HHLA1: variants seen among roughly 807,000 people sequenced by gnomAD.
HHLA1 encodes HHLA1 neighbor of OC90.
HHLA1 carries 72 observed loss-of-function variants against 69.9 expected under a neutral mutation model. The observed-to-expected ratio is 1.03, with a 90% CI of 0.85 to 1.25. HHLA1 has a LOEUF of 1.25. HHLA1 is among the 50% of genes most tolerant of loss of function. HHLA1 has a pLI of 0.00. For missense variants in HHLA1, 685 were observed against 642.2 expected (o/e 1.07, Z -0.72); for synonymous variants, 252 against 233.2 (o/e 1.08, Z -0.73).
intron 5 of HHLA1, among the ~76,000 whole-genome samples, chr8:132,098,584 C>A (rs1824059134): frequency 2.0e-5 from 3 of 152,136 alleles, no homozygotes; most frequent in Admixed American, 1.3e-4. Context: ...ACCTCAGCCT[C>A]CCGAGTAGCT....
intron 14 of HHLA1, among the ~76,000 whole-genome samples, chr8:132,071,949 T>C (rs1823552770): frequency 1.3e-5 from 2 of 152,068 alleles, no homozygotes; most frequent in African/African-American, 2.4e-5. Context: ...TGTATATGTA[T>C]GTGCATGCAT....
At chr8:132,099,698 A>G (rs528965255) in intron 4 of HHLA1, among the ~76,000 whole-genome samples, 34 of 152,272 alleles carry the variant, frequency 2.2e-4, no homozygotes, top group African/African-American at 8.2e-4. Context: ...TACTAAAAAT[A>G]TAAAAATTAG....
chr8:132,073,709 C>A (rs569388323), intron 14 of HHLA1, among the ~76,000 whole-genome samples: 123 of 152,154 alleles, frequency 8.1e-4, no homozygotes, highest in Non-Finnish European at 1.4e-3. Context: ...TTGCCCCAAC[C>A]CACCCCATCC....
At chr8:132,101,934 C>T (rs1824117671) in intron 3 of HHLA1, among the ~76,000 whole-genome samples, 1 of 152,202 alleles carries the variant, frequency 6.6e-6, no homozygotes, top group South Asian at 2.1e-4. Context: ...TGTTGTACAG[C>T]AGCTCTTTAG....
intron 14 of HHLA1, 104 bp from the exon 15 acceptor site, chr8:132,071,597 C>T (rs753325559): frequency 9.6e-5 from 102 of 1,058,808 alleles, no homozygotes; most frequent in Middle Eastern, 8.5e-4. Context: ...CCTGATCTCA[C>T]GTAGCTCTGA....
chr8:132,081,423 G>T (rs908625467), intron 10 of HHLA1, among the ~76,000 whole-genome samples: 8 of 152,128 alleles, frequency 5.3e-5, no homozygotes, highest in South Asian at 2.1e-4. Flanking sequence ...GGCTGAGCTT[G>T]GTGAGGTGTG....
chr8:132,077,701 G>C, intron 12 of HHLA1, 25 bp downstream of exon 12: 1 of 1,548,632 alleles, frequency 6.5e-7, no homozygotes, highest in East Asian at 2.4e-5. Context: ...AAACGGGAGA[G>C]GTAGAAGTGA....
At chr8:132,090,136 C>CTGA (rs750151418) in intron 7 of HHLA1, among the ~76,000 whole-genome samples, 112 of 152,288 alleles carry the variant, frequency 7.4e-4, no homozygotes, top group Non-Finnish European at 1.2e-3. Flanking sequence ...TTTAAAGGAA[C>CTGA]TGATGGTGGT....
chr8:132,099,327 G>C (rs1325656966), intron 4 of HHLA1, among the ~76,000 whole-genome samples: 3 of 152,240 alleles, frequency 2.0e-5, no homozygotes, highest in Non-Finnish European at 2.9e-5. Flanking sequence ...TTGAAAATAA[G>C]TACCCCATGT....
intron 15 of HHLA1, among the ~76,000 whole-genome samples, chr8:132,067,173 T>C (rs1823455474): frequency 1.3e-5 from 2 of 152,054 alleles, no homozygotes; most frequent in African/African-American, 4.8e-5. Flanking sequence ...GGATTCCTTG[T>C]GGAAACTGGA....
At chr8:132,085,384 G>C (rs1303269422) in intron 10 of HHLA1, 3 of 358,546 alleles carry the variant, frequency 8.4e-6, no homozygotes, top group Non-Finnish European at 1.7e-5. Context: ...TTGGAGATGA[G>C]AGTAAAAAGA....
chr8:132,077,367 T>C (rs1329155551), intron 12 of HHLA1, among the ~76,000 whole-genome samples: 6 of 151,878 alleles, frequency 4.0e-5, no homozygotes, highest in African/African-American at 1.5e-4. Flanking sequence ...AGGGGCGAGG[T>C]GAGGCTGAGC....
chr8:132,069,533 C>T (rs1223822442), intron 15 of HHLA1: 1 of 152,170 alleles, frequency 6.6e-6, no homozygotes, highest in Non-Finnish European at 1.5e-5. Context: ...CCCAAGCAAA[C>T]AGGTGCTTCA....
chr8:132,079,815 T>C lies in HHLA1; in HGVS notation c.828A>G (p.Ser276=), dbSNP rs1323275349. The C allele has an allele frequency of 1.3e-6, 2 of 1,551,634 alleles. No homozygotes were observed. The highest frequency in any genetic ancestry group is 1.7e-6 in the Non-Finnish European group (2 of 1,147,012). ...CTGTGTTCAGGGTCTCCTCTGTTTC[T>C]GAAGGAGCAGCTGTCTCTGTCCAGG... ...SSPWTETAAP[S]ETEETLNTGR... Residue 276 remains serine (S), a synonymous_variant, in exon 11 of 17, where the codon TCA becomes TCG. Coordinates refer to ENST00000414222, the MANE Select transcript of HHLA1 (RefSeq NM_001145095.3).
At chr8:132,076,578 T>C (rs1359358508) in intron 12 of HHLA1, 35 bp from the exon 13 acceptor site, 1 of 1,407,500 alleles carries the variant, frequency 7.1e-7, no homozygotes, top group South Asian at 1.5e-5. Flanking sequence ...AGCCTGCATC[T>C]CTTCTAGGGG....
intron 16 of HHLA1, among the ~76,000 whole-genome samples, chr8:132,065,369 C>T (rs996831561): frequency 1.3e-5 from 2 of 152,176 alleles, no homozygotes; most frequent in African/African-American, 2.4e-5. Context: ...GCAAGCTCTG[C>T]CTCCTAGGTT....
chr8:132,086,975 T>G (rs566846066), intron 10 of HHLA1, among the ~76,000 whole-genome samples: 17 of 152,326 alleles, frequency 1.1e-4, no homozygotes, highest in African/African-American at 3.8e-4. Context: ...TACCTTAAAG[T>G]TCCTTTCATT....
intron 1 of HHLA1, among the ~76,000 whole-genome samples, chr8:132,107,208 A>G (rs2130902859): frequency 6.6e-6 from 1 of 152,292 alleles, no homozygotes; most frequent in Non-Finnish European, 1.5e-5. Context: ...CATTTATATA[A>G]TAGCTACAAA....
chr8:132,073,103 A>G (rs1399252306), intron 14 of HHLA1, among the ~76,000 whole-genome samples: 6 of 152,174 alleles, frequency 3.9e-5, no homozygotes, highest in Non-Finnish European at 7.3e-5. Context: ...GTCATGTTTG[A>G]ACATTTTTCA....
Sources: gnomAD v4.1 joint callset for allele counts (sites outside exome capture counted in the v4.1 genomes callset) on GRCh38, gnomAD v4.1.1 for gene constraint, MANE v1.5 for transcripts, NCBI Gene and HGNC (gene_info 2026-07-23, HGNC 2026-07-21) for gene names.